The following PIP5K1C variants were observed in gnomAD, a reference collection of about 807,000 sequenced individuals.
The protein encoded by PIP5K1C is phosphatidylinositol 4-phosphate 5-kinase type-1 gamma.
PIP5K1C carries 45 observed loss-of-function variants against 80.1 expected under a neutral mutation model. The observed-to-expected ratio is 0.56, with a 90% CI of 0.44 to 0.72. PIP5K1C has a LOEUF of 0.72. PIP5K1C is among the 30% of genes least tolerant of loss of function. The pLI, the probability that PIP5K1C is intolerant of heterozygous loss-of-function variation, is 0.00. For missense variants in PIP5K1C, 753 were observed against 954.6 expected, an observed-to-expected ratio of 0.79 and a Z score of 2.78; for synonymous variants, 498 against 420.1, an observed-to-expected ratio of 1.19 and a Z score of -2.27.
At chr19:3,652,424 C>T (rs1171242406) in intron 7 of PIP5K1C, among the ~76,000 whole-genome samples, 1 of 152,208 alleles carries the variant, frequency 6.6e-6, no homozygotes, top group African/African-American at 2.4e-5. Flanking sequence ...CCAGGGTAGC[C>T]TCAAGGCCCC....
At position 3,652,032 on chromosome 19, in the gene PIP5K1C, C is replaced by G; in HGVS notation, c.922-1G>C. ...CCATGATCTTGAAACTTTCCAGGAC[C>G]TGGCGGGATCGGGCAGGAACACGCC... On this transcript the variant is annotated splice_acceptor_variant, in intron 7 of 17. Transcript: ENST00000335312. LOFTEE classifies it high-confidence loss of function. 1.2e-6 allele frequency: 2 copies of G among 1,613,078 alleles called. No individual in the cohort carries two copies. The highest frequency in any genetic ancestry group is 1.7e-6 in the Non-Finnish European group (2 of 1,179,936).
In PIP5K1C at chr19:3,632,750, GCC is replaced by G. The variant is rs940743004; in HGVS notation, c.*415_*416del. 5.7e-6 allele frequency: 1 copy of G among 174,546 alleles called. No homozygotes were observed. Among genetic ancestry groups the G allele is most frequent in the African/African-American group, 2.4e-5 (1 of 42,092 alleles). 10.8% of individuals were successfully genotyped at this position (174,546 alleles called of 1,614,324 possible). A position where few individuals can be genotyped will look rare whatever the true frequency, so the allele number is the denominator to read the frequency against. On this transcript the variant is annotated 3_prime_UTR_variant, in exon 18 of 18. Transcript: ENST00000335312. Reference sequence around the variant, plus strand: ...GCCCCCGGGGCTCAGGTCCCCAGAGGCCACCGCGAACAGCCTGGCTTCTTCCT... The same window carrying G: ...GCCCCCGGGGCTCAGGTCCCCAGAGGACCGCGAACAGCCTGGCTTCTTCCT...
chr19:3,691,226 G>T (rs2035938863), intron 1 of PIP5K1C, among the ~76,000 whole-genome samples: 1 of 152,234 alleles, frequency 6.6e-6, no homozygotes, highest in Non-Finnish European at 1.5e-5. Flanking sequence ...GGCTGCTGAG[G>T]ATGGGAGAGA....
chr19:3,688,139 C>T lies in PIP5K1C; in HGVS notation c.94+12158G>A, dbSNP rs1292027818. On this transcript the variant is annotated intron_variant, in intron 1 of 17. Transcript: ENST00000335312. This position sits in a 1 kb window ranked among gnomAD's most constrained non-coding sequence, Gnocchi z 5.3. ...CCTGATGGGCCCCGAGCTGAGGCTC[C>T]CGCAGCCAGGGTCTGCGCGTGGTCC... 6.6e-6 allele frequency among the ~76,000 whole-genome samples: 1 copy of T among 152,186 alleles called. No homozygotes were observed. The highest frequency in any genetic ancestry group is 1.5e-5 in the Non-Finnish European group (1 of 68,020).
intron 8 of PIP5K1C, among the ~76,000 whole-genome samples, chr19:3,651,130 C>T (rs1047816077): frequency 2.0e-5 from 3 of 150,924 alleles, no homozygotes; most frequent in African/African-American, 7.3e-5. Context: ...TCTTGGCTCA[C>T]TGCAACCTCC....
intron 14 of PIP5K1C, among the ~76,000 whole-genome samples, chr19:3,642,604 G>A (rs1048444654): frequency 2.0e-5 from 3 of 152,182 alleles, no homozygotes; most frequent in Admixed American, 6.5e-5. Flanking sequence ...GGGACAGGCC[G>A]TGGGCAGGAG....
rs371460115 is a variant in PIP5K1C at position 3,644,156 on chromosome 19, G to A, written c.1441C>T (p.Pro481Ser). The A allele has an allele frequency of 1.2e-5, 19 of 1,612,090 alleles. No individual in the cohort carries two copies. The highest frequency in any genetic ancestry group is 4.5e-5 in the East Asian group (2 of 44,878). ...PTAAFSASQI[P>S]SEREEAQYDL... ...TACTGGGCCTCCTCCCGCTCGCTAG[G>A]GATCTGGCTGGCCGAGAAGGCAGCG... The change falls in exon 12 of 18, where the codon CCT (proline) becomes TCT (serine). Residue 481 changes from proline to serine, a missense_variant. By Grantham distance (74) the Pro-to-Ser change is moderately conservative. Around this residue, in one of 6 missense-constraint regions of PIP5K1C, gnomAD observed 315 missense variants for 294.5 expected, o/e 1.07. Coordinates refer to ENST00000335312, the MANE Select transcript of PIP5K1C (RefSeq NM_012398.3).
intron 1 of PIP5K1C, among the ~76,000 whole-genome samples, chr19:3,683,547 C>T (rs1164745242): frequency 4.6e-5 from 7 of 152,210 alleles, no homozygotes; most frequent in Non-Finnish European, 5.9e-5. Context: ...AACCCTGTGA[C>T]GTAGGCACTA....
intron 7 of PIP5K1C, 77 bp from the exon 8 acceptor site, chr19:3,652,108 T>C: frequency 7.0e-7 from 1 of 1,424,882 alleles, no homozygotes; most frequent in Non-Finnish European, 9.9e-7. Flanking sequence ...CCCTATGGGG[T>C]TCCCAGCACG....
Position 3,632,071 on chromosome 19 carries a change from C to G in PIP5K1C, c.*1096G>C, listed in dbSNP as rs758798784. On this transcript the variant is annotated 3_prime_UTR_variant, in exon 18 of 18. Transcript: ENST00000335312. ...GGGCAGTCTGGGCTGAGTCCCACCA[C>G]TGGGAGCGCTGCCCTCTTGGAGGGT... 1 of 152,298 alleles carries G rather than the reference C, an allele frequency of 6.6e-6. No individual in the cohort carries two copies. The highest frequency in any genetic ancestry group is 1.5e-5 in the Non-Finnish European group (1 of 68,068). 9.4% of individuals were successfully genotyped at this position (152,298 alleles called of 1,614,324 possible).
rs544837574 is a variant in PIP5K1C, at chr19:3,637,526, G to A, written c.1920+1358C>T. 2.3e-5 allele frequency: 35 copies of A among 1,535,482 alleles called. No homozygotes were observed. Among genetic ancestry groups the A allele is most frequent in the African/African-American group, 9.6e-5 (7 of 73,100 alleles). Reference sequence around the variant, plus strand: ...CCTTCTCCCCAGGGTGGCCGGCTGCGGTCACTTACAGTCCCCGAGGCGCTC... The same window carrying A: ...CCTTCTCCCCAGGGTGGCCGGCTGCAGTCACTTACAGTCCCCGAGGCGCTC... On this transcript the variant is annotated intron_variant, in intron 16 of 17. Transcript: ENST00000335312. The surrounding 1 kb of genome is among the most constrained non-coding windows in gnomAD (Gnocchi z 7.0).
At chr19:3,638,487 G>C (rs1056648028) in intron 16 of PIP5K1C, among the ~76,000 whole-genome samples, 4 of 152,242 alleles carry the variant, frequency 2.6e-5, no homozygotes, top group African/African-American at 9.6e-5. Flanking sequence ...GGCTGTCAAG[G>C]ACACAGGACC....
intron 5 of PIP5K1C, 40 bp from the exon 6 acceptor site, chr19:3,656,597 CG>C: frequency 6.2e-7 from 1 of 1,610,960 alleles, no homozygotes; most frequent in Non-Finnish European, 8.5e-7. Flanking sequence ...CCCAAGCTGC[CG>C]GACACACAGA....
Position 3,648,375 on chromosome 19 carries a change from G to A in PIP5K1C, c.1211+250C>T, listed in dbSNP as rs139877381. ...CCTTCCCTTTAGGGCTCAAGAAGGG[G>A]CAGCCAAGCAAGAGCTTTCCAGGTT... On this transcript the variant is annotated intron_variant, in intron 9 of 17. Coordinates refer to ENST00000335312, the MANE Select transcript of PIP5K1C (RefSeq NM_012398.3). This position sits in a 1 kb window ranked among gnomAD's most constrained non-coding sequence, Gnocchi z 4.3. Among the ~76,000 whole-genome samples, 2 of 152,332 alleles carry A rather than the reference G, an allele frequency of 1.3e-5. No individual in the cohort carries two copies. Among genetic ancestry groups the A allele is most frequent in the African/African-American group, 4.8e-5 (2 of 41,568 alleles).
chr19:3,667,409 T>C (rs2035048512), intron 1 of PIP5K1C, 56 bp from the exon 2 acceptor site: 1 of 1,607,678 alleles, frequency 6.2e-7, no homozygotes, highest in Non-Finnish European at 8.5e-7. Context: ...CTGGGAGTCC[T>C]GGGCCCAGCC....
chr19:3,655,311 G>A (rs1025623806), intron 6 of PIP5K1C, among the ~76,000 whole-genome samples: 11 of 147,804 alleles, frequency 7.4e-5, no homozygotes, highest in East Asian at 6.2e-4. Context: ...CCAGCTACTC[G>A]GGAGGCTGAG....
Position 3,700,430 on chromosome 19 carries a change from C to T in PIP5K1C, c.-40G>A. ...GGCGGCGGGGGCGCCCGAGGGGGAC[C>T]CGAGCTGCGACCGCCGCCGCCGAAC... is the stretch of plus-strand genomic sequence containing the variant. On this transcript the variant is annotated 5_prime_UTR_variant, in exon 1 of 18. Coordinates refer to ENST00000335312, the MANE Select transcript of PIP5K1C (RefSeq NM_012398.3). The T allele has an allele frequency of 9.7e-7, 1 of 1,028,662 alleles. No individual in the cohort carries two copies. Among genetic ancestry groups the T allele is most frequent in the Non-Finnish European group, 1.2e-6 (1 of 853,454 alleles). The allele number at this position is 1,028,662 out of a possible 1,614,324, so 63.7% of individuals were successfully genotyped here. A position where few individuals can be genotyped will look rare whatever the true frequency, so the allele number is the denominator to read the frequency against.
intron 1 of PIP5K1C, 138 bp from the exon 2 acceptor site, chr19:3,667,491 C>T (rs1207169586): frequency 2.2e-6 from 2 of 910,214 alleles, no homozygotes; most frequent in Non-Finnish European, 3.6e-6. Flanking sequence ...AGGCTACACA[C>T]AAGTGAAGAC....
chr19:3,693,858 G>A (rs2036020631), intron 1 of PIP5K1C, among the ~76,000 whole-genome samples: 1 of 152,106 alleles, frequency 6.6e-6, no homozygotes, highest in Non-Finnish European at 1.5e-5. Context: ...GGGACCAAGG[G>A]TTCGAGACCC....
Sources: allele counts gnomAD v4.1 joint callset (sites outside exome capture counted in the v4.1 genomes callset), GRCh38; gene constraint gnomAD v4.1.1; regional missense constraint gnomAD v4.1.1; non-coding constraint Gnocchi (gnomAD v3.1); transcripts MANE v1.5; gene names NCBI Gene and HGNC (gene_info 2026-07-23, HGNC 2026-07-21).